The following EXT1 variants were observed in gnomAD, a reference collection of about 807,000 sequenced individuals.
EXT1 encodes the protein exostosin-1.
EXT1 carries 20 observed loss-of-function variants against 82.5 expected under a neutral mutation model. That is an observed-to-expected ratio of 0.24 (90% CI 0.17 to 0.35). The LOEUF (loss-of-function observed/expected upper bound fraction) is 0.35. EXT1 is among the 10% of genes least tolerant of loss of function. The pLI, the probability that EXT1 is intolerant of heterozygous loss-of-function variation, is 1.00. For synonymous variants in EXT1, 348 were observed against 350.8 expected (o/e 0.99, Z 0.09); for missense variants, 757 against 936.5 (o/e 0.81, Z 2.50).
chr8:117,929,723 C>A (rs920999157), intron 1 of EXT1, among the ~76,000 whole-genome samples: 2 of 152,166 alleles, frequency 1.3e-5, no homozygotes, highest in South Asian at 2.1e-4. Flanking sequence ...CTTTCACAGC[C>A]GGATTAACAT....
At chr8:118,012,386 T>C (rs1815917713) in intron 1 of EXT1, among the ~76,000 whole-genome samples, 1 of 152,218 alleles carries the variant, frequency 6.6e-6, no homozygotes. Context: ...CACTTTTGGA[T>C]TGACCCTTTT....
intron 1 of EXT1, among the ~76,000 whole-genome samples, chr8:118,011,160 T>G (rs530097081): frequency 6.6e-6 from 1 of 152,318 alleles, no homozygotes. Flanking sequence ...AAAGAGGCCC[T>G]CACAGACTAC....
At chr8:117,954,829 G>T (rs1231435208) in intron 1 of EXT1, among the ~76,000 whole-genome samples, 1 of 152,118 alleles carries the variant, frequency 6.6e-6, no homozygotes, top group Non-Finnish European at 1.5e-5. Context: ...CAACTTCCTG[G>T]AAACCTACTT....
At chr8:117,808,038 T>C (rs1823263561) in intron 8 of EXT1, among the ~76,000 whole-genome samples, 1 of 152,180 alleles carries the variant, frequency 6.6e-6, no homozygotes, top group African/African-American at 2.4e-5. Context: ...AGCCACAGAA[T>C]TATTTTAAAG....
At position 117,799,044 on chromosome 8, in the gene EXT1, T is replaced by A. The variant is rs1253669035; in HGVS notation, c.*668A>T. ...CCCCCCCAATGAAAAACGATTATCA[T>A]ATATATCTATCTCAAACATAGAGAT... On this transcript the variant is annotated 3_prime_UTR_variant, in exon 11 of 11. Transcript: ENST00000378204. 1 of 142,146 alleles carries A rather than the reference T, an allele frequency of 7.0e-6. No homozygotes were observed. The highest frequency in any genetic ancestry group is 1.5e-5 in the Non-Finnish European group (1 of 65,420). 8.8% of individuals were successfully genotyped at this position (142,146 alleles called of 1,614,324 possible).
At chr8:117,859,698 T>A (rs868395007) in intron 1 of EXT1, among the ~76,000 whole-genome samples, 3 of 152,270 alleles carry the variant, frequency 2.0e-5, no homozygotes, top group South Asian at 4.1e-4. Context: ...GGAAGCTTTT[T>A]GGTTTTACTG....
chr8:117,907,546 T>C (rs2129981303), intron 1 of EXT1, among the ~76,000 whole-genome samples: 1 of 152,328 alleles, frequency 6.6e-6, no homozygotes, highest in East Asian at 1.9e-4. Context: ...GCTAACACTT[T>C]CAGTAGTGAC....
chr8:117,891,165 G>A (rs898597182), intron 1 of EXT1, among the ~76,000 whole-genome samples: 1 of 152,186 alleles, frequency 6.6e-6, no homozygotes, highest in Admixed American at 6.5e-5. Context: ...ACACCAAAAG[G>A]CCTTTCTTTC....
intron 1 of EXT1, among the ~76,000 whole-genome samples, chr8:117,847,193 G>T (rs1812376244): frequency 1.3e-5 from 2 of 152,198 alleles, no homozygotes; most frequent in African/African-American, 4.8e-5. Flanking sequence ...ATGGAAGCAA[G>T]AAGATAACAA....
chr8:117,911,922 A>C (rs1237615588), intron 1 of EXT1, among the ~76,000 whole-genome samples: 1 of 152,236 alleles, frequency 6.6e-6, no homozygotes, highest in Non-Finnish European at 1.5e-5. Flanking sequence ...CTGCAATATG[A>C]ATCTTCTTTC....
chr8:118,108,187 T>C (rs765123176), intron 1 of EXT1, among the ~76,000 whole-genome samples: 22 of 152,284 alleles, frequency 1.4e-4, no homozygotes, highest in Admixed American at 3.3e-4. Context: ...ACGTAATATT[T>C]ATTTTGGGAA....
At chr8:118,040,666 C>G (rs1816512406) in intron 1 of EXT1, among the ~76,000 whole-genome samples, 1 of 152,218 alleles carries the variant, frequency 6.6e-6, no homozygotes, top group Non-Finnish European at 1.5e-5. Flanking sequence ...TCTATTAAAA[C>G]ACTTACCACA....
At chr8:117,926,777 C>T (rs186661552) in intron 1 of EXT1, among the ~76,000 whole-genome samples, 1 of 152,280 alleles carries the variant, frequency 6.6e-6, no homozygotes, top group East Asian at 1.9e-4. Context: ...AAGGCTTTGC[C>T]TATAAACATG....
At chr8:117,897,999 ACTT>A (rs1813375010) in intron 1 of EXT1, among the ~76,000 whole-genome samples, 1 of 152,176 alleles carries the variant, frequency 6.6e-6, no homozygotes, top group Middle Eastern at 3.2e-3. Context: ...GGCACAAAAT[ACTT>A]TCTAAGTGAT....
At chr8:118,039,577 A>G (rs555266193) in intron 1 of EXT1, among the ~76,000 whole-genome samples, 1 of 151,452 alleles carries the variant, frequency 6.6e-6, no homozygotes, top group Non-Finnish European at 1.5e-5. Context: ...AAAAAAAAAA[A>G]AAAATAAGAT....
chr8:117,985,344 A>C (rs1815294996), intron 1 of EXT1, among the ~76,000 whole-genome samples: 1 of 152,186 alleles, frequency 6.6e-6, no homozygotes, highest in Admixed American at 6.6e-5. Context: ...TGATGATTTC[A>C]GAGAGAAAAC....
chr8:117,865,760 G>T (rs1336296827), intron 1 of EXT1, among the ~76,000 whole-genome samples: 1 of 152,200 alleles, frequency 6.6e-6, no homozygotes, highest in Non-Finnish European at 1.5e-5. Flanking sequence ...TTCACAGACT[G>T]AAAGTCTAGA....
At chr8:117,909,853 C>G (rs547277084) in intron 1 of EXT1, among the ~76,000 whole-genome samples, 1 of 152,246 alleles carries the variant, frequency 6.6e-6, no homozygotes, top group East Asian at 1.9e-4. Flanking sequence ...CTGCAACCTC[C>G]GCCTCCCAGG....
chr8:118,105,412 T>A (rs770286276), intron 1 of EXT1, among the ~76,000 whole-genome samples: 3 of 152,202 alleles, frequency 2.0e-5, no homozygotes, highest in Non-Finnish European at 4.4e-5. Context: ...CTAGCTTAGA[T>A]CACAGACTCC....
Sources: gnomAD v4.1 joint callset for allele counts (sites outside exome capture counted in the v4.1 genomes callset) on GRCh38, gnomAD v4.1.1 for gene constraint, MANE v1.5 for transcripts, NCBI Gene and HGNC (gene_info 2026-07-23, HGNC 2026-07-21) for gene names.